PRLR: variants seen among roughly 807,000 people sequenced by gnomAD.
PRLR encodes prolactin receptor.
A neutral mutation model predicts 40.2 loss-of-function variants in PRLR; 13 were observed. The observed-to-expected ratio is 0.32, with a 90% CI of 0.21 to 0.51. The LOEUF is 0.51. Ranked by LOEUF, PRLR falls within the 20% of genes least tolerant of loss-of-function variation. The pLI is 0.97. For missense variants in PRLR, 656 were observed against 747.3 expected (o/e 0.88, Z 1.42); for synonymous variants, 269 against 278.7 (o/e 0.97, Z 0.35).
At chr5:35,122,775 C>T (rs1773334256) in intron 1 of PRLR, among the ~76,000 whole-genome samples, 1 of 152,188 alleles carries the variant, frequency 6.6e-6, no homozygotes, top group Non-Finnish European at 1.5e-5. Flanking sequence ...TCTTTTGGGG[C>T]AGGCTGAACT....
At chr5:35,225,702 G>A (rs1318729315) in intron 1 of PRLR, among the ~76,000 whole-genome samples, 1 of 152,086 alleles carries the variant, frequency 6.6e-6, no homozygotes, top group Non-Finnish European at 1.5e-5. Context: ...TTTTGTTTGA[G>A]ACGGAGTCTC....
chr5:35,085,982 C>T (rs1046644163), intron 4 of PRLR, among the ~76,000 whole-genome samples: 3 of 151,992 alleles, frequency 2.0e-5, no homozygotes, highest in Admixed American at 1.3e-4. Context: ...TCCAGTAACA[C>T]TGATATTGTA....
At chr5:35,228,038 A>C (rs1168198238) in intron 1 of PRLR, among the ~76,000 whole-genome samples, 1 of 152,182 alleles carries the variant, frequency 6.6e-6, no homozygotes, top group African/African-American at 2.4e-5. Context: ...CTTTTTGTGC[A>C]TAACTAGACC....
intron 1 of PRLR, among the ~76,000 whole-genome samples, chr5:35,181,348 T>C (rs1206114501): frequency 6.6e-6 from 1 of 152,230 alleles, no homozygotes; most frequent in Non-Finnish European, 1.5e-5. Context: ...AGCCACATGT[T>C]GCAGGTGAAG....
chr5:35,142,658 A>C (rs1468005627), intron 1 of PRLR, among the ~76,000 whole-genome samples: 1 of 152,262 alleles, frequency 6.6e-6, no homozygotes, highest in Non-Finnish European at 1.5e-5. Context: ...TTTGGCTCCA[A>C]CACAAATTCT....
chr5:35,105,338 C>T (rs897597304), intron 2 of PRLR, among the ~76,000 whole-genome samples: 4 of 152,200 alleles, frequency 2.6e-5, no homozygotes, highest in African/African-American at 4.8e-5. Context: ...GAATGCAGCT[C>T]CTCGCCAGCA....
At chr5:35,079,346 C>G (rs1770343685) in intron 5 of PRLR, among the ~76,000 whole-genome samples, 1 of 152,170 alleles carries the variant, frequency 6.6e-6, no homozygotes, top group Non-Finnish European at 1.5e-5. Context: ...AGCTGATAAG[C>G]AACTTCAGCA....
intron 1 of PRLR, among the ~76,000 whole-genome samples, chr5:35,119,630 C>T (rs577689971): frequency 2.0e-5 from 3 of 152,250 alleles, no homozygotes; most frequent in Admixed American, 2.0e-4. Context: ...GGTGCAGTGA[C>T]ACCAAATTTT....
chr5:35,177,115 C>T (rs1775171198), intron 1 of PRLR, among the ~76,000 whole-genome samples: 1 of 152,214 alleles, frequency 6.6e-6, no homozygotes, highest in African/African-American at 2.4e-5. Context: ...TGCTGACCCT[C>T]TCCCCACAAT....
rs993151697 is a variant in PRLR, at chr5:35,060,521, T to C, written c.*4568A>G. The C allele has an allele frequency of 1.3e-5, 2 of 152,184 alleles. No individual in the cohort carries two copies. Among genetic ancestry groups the C allele is most frequent in the Admixed American group, 1.3e-4 (2 of 15,274 alleles). The allele number at this position is 152,184 out of a possible 1,614,324, so 9.4% of individuals were successfully genotyped here. A position where few individuals can be genotyped will look rare whatever the true frequency, so the allele number is the denominator to read the frequency against. On this transcript the variant is annotated 3_prime_UTR_variant, in exon 10 of 10. Coordinates refer to ENST00000618457, the MANE Select transcript of PRLR (RefSeq NM_000949.7). ...ATTTTACCTAGATCATGAGAGGTCT[T>C]AGAAACCTTTTAGGCCAACCTACTT...
intron 9 of PRLR, 106 bp from the exon 10 acceptor site, chr5:35,066,208 T>C (rs1385621913): frequency 1.8e-6 from 2 of 1,121,352 alleles, no homozygotes; most frequent in African/African-American, 1.6e-5. Context: ...GGTGGGAAGA[T>C]CTCAAACTTC....
intron 1 of PRLR, among the ~76,000 whole-genome samples, chr5:35,226,932 A>C (rs971649511): frequency 2.0e-5 from 3 of 152,254 alleles, no homozygotes; most frequent in Admixed American, 1.3e-4. Context: ...ATGCTTGTCG[A>C]ATAAATGAAT....
intron 1 of PRLR, chr5:35,135,382 C>T (rs1773823754): frequency 6.6e-6 from 1 of 152,268 alleles, no homozygotes; most frequent in Non-Finnish European, 1.5e-5. Flanking sequence ...AGCGTGTACG[C>T]GTTGGCTTCT....
intron 1 of PRLR, among the ~76,000 whole-genome samples, chr5:35,121,319 G>A (rs1485441742): frequency 6.6e-6 from 1 of 152,160 alleles, no homozygotes; most frequent in African/African-American, 2.4e-5. Flanking sequence ...CTTCAGCATG[G>A]TACAGTGCAC....
chr5:35,212,085 A>G (rs1249481885), intron 1 of PRLR, among the ~76,000 whole-genome samples: 1 of 152,234 alleles, frequency 6.6e-6, no homozygotes, highest in Non-Finnish European at 1.5e-5. Context: ...TCTAGAACAC[A>G]TTAGGAACAT....
intron 5 of PRLR, among the ~76,000 whole-genome samples, chr5:35,075,527 C>T (rs1173575372): frequency 6.6e-6 from 1 of 152,166 alleles, no homozygotes; most frequent in Admixed American, 6.5e-5. Context: ...AGATTGTAAA[C>T]AAAGTGGCCA....
chr5:35,209,599 A>T (rs954663797), intron 1 of PRLR, among the ~76,000 whole-genome samples: 1 of 152,212 alleles, frequency 6.6e-6, no homozygotes, highest in African/African-American at 2.4e-5. Context: ...TGTCTATGGA[A>T]TTCCTAAACA....
chr5:35,118,768 A>C (rs1358546065), intron 1 of PRLR, among the ~76,000 whole-genome samples: 1 of 152,012 alleles, frequency 6.6e-6, no homozygotes, highest in Non-Finnish European at 1.5e-5. Context: ...GGAGGCATGA[A>C]GGGACAACTG....
chr5:35,099,369 C>A (rs572975159), intron 2 of PRLR, among the ~76,000 whole-genome samples: 1 of 152,142 alleles, frequency 6.6e-6, no homozygotes, highest in Non-Finnish European at 1.5e-5. Flanking sequence ...TGCTTTACGC[C>A]GTGTTTGTGG....
Sources: allele counts gnomAD v4.1 joint callset (sites outside exome capture counted in the v4.1 genomes callset), GRCh38; gene constraint gnomAD v4.1.1; transcripts MANE v1.5; gene names NCBI Gene and HGNC (gene_info 2026-07-23, HGNC 2026-07-21).